The following POFUT1 variants were observed in gnomAD, a reference collection of about 807,000 sequenced individuals.
The protein encoded by POFUT1 is GDP-fucose protein O-fucosyltransferase 1.
A neutral mutation model predicts 42.4 loss-of-function variants in POFUT1; 16 were observed. The observed-to-expected ratio is 0.38, with a 90% CI of 0.26 to 0.57. The LOEUF (loss-of-function observed/expected upper bound fraction) is 0.57. Ranked by LOEUF, POFUT1 falls within the 20% of genes least tolerant of loss-of-function variation. The pLI, the probability that POFUT1 is intolerant of heterozygous loss-of-function variation, is 0.71. For synonymous variants in POFUT1, 206 were observed against 205.4 expected, an observed-to-expected ratio of 1.00 and a Z score of -0.03; for missense variants, 470 against 504.6, an observed-to-expected ratio of 0.93 and a Z score of 0.66.
chr20:32,210,200 C>T lies in POFUT1; in HGVS notation c.246+8C>T, dbSNP rs774177053. The T allele has an allele frequency of 3.1e-6, 5 of 1,614,084 alleles. No homozygotes were observed. The highest frequency in any genetic ancestry group is 4.2e-6 in the Non-Finnish European group (5 of 1,179,924). On this transcript the variant is annotated splice_region_variant and intron_variant, in intron 2 of 6. Transcript: ENST00000375749. ...AAGCCTCCTTTCACCAACGTGAGTA[C>T]TTCCCACTGACCTTGGCCTTTCTCC... is the stretch of plus-strand genomic sequence containing the variant.
chr20:32,224,034 T>C (rs982140621), intron 4 of POFUT1, among the ~76,000 whole-genome samples: 2 of 152,150 alleles, frequency 1.3e-5, no homozygotes, highest in Admixed American at 6.5e-5. Flanking sequence ...CACAAACAAT[T>C]GGAGCATTGC....
chr20:32,213,078 G>T (rs575406259), intron 2 of POFUT1, among the ~76,000 whole-genome samples: 1 of 152,112 alleles, frequency 6.6e-6, no homozygotes, highest in East Asian at 1.9e-4. Context: ...TAGAGATGGG[G>T]TTTCACCATG....
intron 4 of POFUT1, 184 bp downstream of exon 4, chr20:32,216,905 G>A: frequency 6.4e-7 from 1 of 1,563,564 alleles, no homozygotes; most frequent in South Asian, 1.2e-5. Flanking sequence ...TGACACGGTG[G>A]AACATTGACC....
Position 32,215,339 on chromosome 20 carries a change from A to C in POFUT1, c.317A>C (p.Glu106Ala), listed in dbSNP as rs1483783476. The C allele has an allele frequency of 1.2e-6, 2 of 1,613,992 alleles. No individual in the cohort carries two copies. The highest frequency in any genetic ancestry group is 1.7e-6 in the Non-Finnish European group (2 of 1,179,970). ...LQAYHRVISL[E>A]DFMEKLAPTH... ...GCTTACCATCGGGTCATCAGCTTGG[A>C]GGATTTCATGGAGAAGCTGGCACCC... is the stretch of plus-strand genomic sequence containing the variant. Residue 106 changes from glutamate to alanine, a missense_variant, in exon 3 of 7, where the codon GAG (glutamate) becomes GCG (alanine). By Grantham distance (107) the Glu-to-Ala change is moderately radical. Coordinates refer to ENST00000375749, the MANE Select transcript of POFUT1 (RefSeq NM_015352.2).
Position 32,236,205 on chromosome 20 carries a change from G to GC in POFUT1, c.*1547dup, listed in dbSNP as rs1374148301. 6.6e-6 allele frequency: 1 copy of GC among 152,284 alleles called. No individual in the cohort carries two copies. Among genetic ancestry groups the GC allele is most frequent in the East Asian group, 1.9e-4 (1 of 5,200 alleles). The allele number at this position is 152,284 out of a possible 1,614,324, so 9.4% of individuals were successfully genotyped here. A position where few individuals can be genotyped will look rare whatever the true frequency, so the allele number is the denominator to read the frequency against. Reference sequence around the variant, plus strand: ...CAGAGAAGGAGCTGCAGATGAGGGAGCCCGTACACTCCCTGCCACCACTAG... The same window carrying GC: ...CAGAGAAGGAGCTGCAGATGAGGGAGCCCCGTACACTCCCTGCCACCACTAG... On this transcript the variant is annotated 3_prime_UTR_variant, in exon 7 of 7. Coordinates refer to ENST00000375749, the MANE Select transcript of POFUT1 (RefSeq NM_015352.2).
chr20:32,215,781 T>TA (rs917955581), intron 3 of POFUT1, among the ~76,000 whole-genome samples: 10 of 152,236 alleles, frequency 6.6e-5, no homozygotes, highest in African/African-American at 2.4e-4. Flanking sequence ...ATGTAGCACT[T>TA]ACTATGTATG....
Position 32,231,032 on chromosome 20 carries a change from C to T in POFUT1, c.949C>T (p.Pro317Ser), listed in dbSNP as rs768100190. Residue 317 changes from proline to serine, a missense_variant, in exon 6 of 7, where the codon CCT becomes TCT. Physicochemically the swap from Pro to Ser is moderately conservative, Grantham distance 74. Coordinates refer to ENST00000375749, the MANE Select transcript of POFUT1 (RefSeq NM_015352.2). Reference protein sequence around the residue: ...YVATDSESYVPELQQLFKGKV... With the variant: ...YVATDSESYVSELQQLFKGKV... ...TGCTACTGATTCCGAGAGTTATGTG[C>T]CTGAGCTCCAACAGCTCTTCAAAGG... The T allele has an allele frequency of 6.2e-7, 1 of 1,614,176 alleles. No homozygotes were observed. The highest frequency in any genetic ancestry group is 1.1e-5 in the South Asian group (1 of 91,090).
intron 4 of POFUT1, among the ~76,000 whole-genome samples, chr20:32,221,430 GT>G (rs1569156224): frequency 6.6e-6 from 1 of 152,114 alleles, no homozygotes; most frequent in Non-Finnish European, 1.5e-5. Flanking sequence ...AGAAGTGCTT[GT>G]CAGGCATAGT....
At chr20:32,228,106 C>A (rs1000206191) in intron 4 of POFUT1, among the ~76,000 whole-genome samples, 157 bp from the exon 5 acceptor site, 3 of 152,172 alleles carry the variant, frequency 2.0e-5, no homozygotes, top group Admixed American at 2.0e-4. Flanking sequence ...CCTTATCAGC[C>A]CGTTGGTATT....
chr20:32,222,983 C>T, intron 4 of POFUT1: 1 of 985,046 alleles, frequency 1.0e-6, no homozygotes. Context: ...CAGGGACATC[C>T]AGAACAAAGC....
At position 32,207,918 on chromosome 20, in the gene POFUT1, G is replaced by A. The variant is rs143528740; in HGVS notation, c.-24G>A. 2,008 of 1,570,248 alleles carry A rather than the reference G, an allele frequency of 1.3e-3. 45 individuals carry two copies. In the East Asian group the frequency reaches 0.044, roughly 34 times the overall value. On this transcript the variant is annotated 5_prime_UTR_variant, in exon 1 of 7. Coordinates refer to ENST00000375749, the MANE Select transcript of POFUT1 (RefSeq NM_015352.2). ...CTTCCCTCCCCGACTGTGCGCCGCG[G>A]CTGGCTCGGGTTCCCGGGCCGACAT...
intron 2 of POFUT1, among the ~76,000 whole-genome samples, chr20:32,214,925 C>G (rs2047350695): frequency 6.6e-6 from 1 of 152,134 alleles, no homozygotes; most frequent in African/African-American, 2.4e-5. Context: ...GCTCTGTCGT[C>G]CAAGCTGGAG....
chr20:32,230,907 C>A lies in POFUT1; in HGVS notation c.824C>A (p.Ala275Glu), dbSNP rs553368459. The part of the protein sequence containing the change: ...PQCVGYSRST[A>E]APLTMTMCLP... ...TGTGTGGGCTACAGCCGCAGCACAG[C>A]GGCCCCCCTCACGATGACTATGTGC... is the stretch of plus-strand genomic sequence containing the variant. Residue 275 changes from alanine (A) to glutamate (E), a missense_variant, in exon 6 of 7, where the codon GCG (alanine) becomes GAG (glutamate). Coordinates refer to ENST00000375749, the MANE Select transcript of POFUT1 (RefSeq NM_015352.2). 1 of 1,614,162 alleles carries A rather than the reference C, an allele frequency of 6.2e-7. No homozygotes were observed. The highest frequency in any genetic ancestry group is 1.3e-5 in the African/African-American group (1 of 75,044).
rs542196158 is a variant in POFUT1 at position 32,223,226 on chromosome 20, C to T, written c.543-5037C>T. The T allele has an allele frequency of 5.1e-6, 5 of 985,446 alleles. No homozygotes were observed. The South Asian group carries it at 2.3e-4, about 46-fold the overall frequency. The allele number at this position is 985,446 out of a possible 1,614,324, so 61.0% of individuals were successfully genotyped here. A position where few individuals can be genotyped will look rare whatever the true frequency, so the allele number is the denominator to read the frequency against. ...GATAGCAAGAGGCAAAGGGCCTGAC[C>T]AAGGGTGAGCAGTCACCGGGAGGTG... is the stretch of plus-strand genomic sequence containing the variant. On this transcript the variant is annotated intron_variant, in intron 4 of 6. Coordinates refer to ENST00000375749, the MANE Select transcript of POFUT1 (RefSeq NM_015352.2).
At chr20:32,228,164 G>T (rs2047424133) in intron 4 of POFUT1, 99 bp from the exon 5 acceptor site, 1 of 928,734 alleles carries the variant, frequency 1.1e-6, no homozygotes, top group Non-Finnish European at 1.6e-6. Flanking sequence ...CCTCCGCAGG[G>T]TCTCTGGGGC....
chr20:32,209,217 A>G (rs1421783071), intron 1 of POFUT1, among the ~76,000 whole-genome samples: 1 of 152,046 alleles, frequency 6.6e-6, no homozygotes, highest in East Asian at 1.9e-4. Context: ...CCTCTCCTCC[A>G]TTTCTGCCTG....
At position 32,228,273 on chromosome 20, in the gene POFUT1, A is replaced by C; in HGVS notation, c.553A>C (p.Lys185Gln). The change falls in exon 5 of 7, where the codon AAG becomes CAG. Residue 185 changes from lysine (K) to glutamine (Q), a missense_variant. Transcript: ENST00000375749. ...REQWSQRFSP[K>Q]EHPVLALPGA... is the part of the protein sequence containing the mutation. ...CCATCTCCTGTCTAGATTTTCTCCA[A>C]AGGAACATCCGGTGCTTGCCCTGCC... The C allele has an allele frequency of 6.2e-7, 1 of 1,613,128 alleles. No individual in the cohort carries two copies. The highest frequency in any genetic ancestry group is 8.5e-7 in the Non-Finnish European group (1 of 1,179,480).
At chr20:32,226,472 G>A (rs2047415437) in intron 4 of POFUT1, among the ~76,000 whole-genome samples, 1 of 151,924 alleles carries the variant, frequency 6.6e-6, no homozygotes, top group Non-Finnish European at 1.5e-5. Flanking sequence ...GTGTGTGTGT[G>A]TGTGTGTATT....
intron 4 of POFUT1, chr20:32,223,596 A>T (rs1203010627): frequency 2.0e-6 from 2 of 985,330 alleles, no homozygotes; most frequent in African/African-American, 3.5e-5. Flanking sequence ...TTGAGGTAGC[A>T]TCTGAAAGAT....
Sources: gnomAD v4.1 joint callset for allele counts (sites outside exome capture counted in the v4.1 genomes callset) on GRCh38, gnomAD v4.1.1 for gene constraint, MANE v1.5 for transcripts, NCBI Gene and HGNC (gene_info 2026-07-23, HGNC 2026-07-21) for gene names.